The following BICD1 variants were observed in gnomAD, a reference collection of about 807,000 sequenced individuals.
The protein encoded by BICD1 is BICD cargo adaptor 1, also known as protein bicaudal D homolog 1.
A neutral mutation model predicts 92.5 loss-of-function variants in BICD1; 35 were observed. The observed-to-expected ratio is 0.38, with a 90% CI of 0.29 to 0.50. The LOEUF (loss-of-function observed/expected upper bound fraction) is 0.50. Among genes scored for constraint, BICD1 ranks in the 20% least tolerant of loss-of-function variants. The pLI is 0.93. For synonymous variants in BICD1, 429 were observed against 465.1 expected (o/e 0.92, Z 1.00); for missense variants, 950 against 1,189.8 (o/e 0.80, Z 2.97).
At chr12:32,223,042 A>T (rs1945581174) in intron 2 of BICD1, among the ~76,000 whole-genome samples, 1 of 152,222 alleles carries the variant, frequency 6.6e-6, no homozygotes, top group African/African-American at 2.4e-5. Flanking sequence ...TACCTTTATC[A>T]ATGATCTTAG....
Position 32,379,572 on chromosome 12 carries a change from T to C in BICD1, c.*1945T>C, listed in dbSNP as rs953372184. On this transcript the variant is annotated 3_prime_UTR_variant, in exon 10 of 10. Coordinates refer to ENST00000652176, the MANE Select transcript of BICD1 (RefSeq NM_001714.4). The stretch of plus-strand genomic sequence containing the variant: ...AAACATTGTCTTCATTTCACTGGCG[T>C]TGTATCTGCCTAGTACCAGTATTAG... 2 of 152,216 alleles carry C rather than the reference T, an allele frequency of 1.3e-5. No individual in the cohort carries two copies. Among genetic ancestry groups the C allele is most frequent in the African/African-American group, 4.8e-5 (2 of 41,462 alleles). The allele number at this position is 152,216 out of a possible 1,614,324, so 9.4% of individuals were successfully genotyped here. A position where few individuals can be genotyped will look rare whatever the true frequency, so the allele number is the denominator to read the frequency against.
chr12:32,193,373 A>G (rs1287292822), intron 1 of BICD1, among the ~76,000 whole-genome samples: 1 of 152,222 alleles, frequency 6.6e-6, no homozygotes, highest in African/African-American at 2.4e-5. Flanking sequence ...TTTAGACATA[A>G]TGGTATTATT....
intron 4 of BICD1, among the ~76,000 whole-genome samples, chr12:32,322,854 T>C (rs1948692643): frequency 6.6e-6 from 1 of 152,254 alleles, no homozygotes; most frequent in Non-Finnish European, 1.5e-5. Flanking sequence ...TCAGTACATT[T>C]TGTTTTGATC....
At chr12:32,179,260 A>T (rs17587443) in intron 1 of BICD1, among the ~76,000 whole-genome samples, 10 of 151,950 alleles carry the variant, frequency 6.6e-5, no homozygotes, top group East Asian at 5.8e-4. Flanking sequence ...GTGATGAAGC[A>T]GTTCTGTGGA....
Position 32,166,138 on chromosome 12 carries a change from A to ATTTATTTATTTATTTATTT in BICD1, c.214-50098_214-50097insATTTATTTTTTATTTATTT, listed in dbSNP as rs1555140610. ...TATTTATTTATTTATTTATTTATTT[A>ATTTATTTATTTATTTATTT]TTTATTTATTTTTTGGAGCCAGCGT... On this transcript the variant is annotated intron_variant, in intron 1 of 9. Transcript: ENST00000652176. 3.3e-3 allele frequency among the ~76,000 whole-genome samples: 473 copies of ATTTATTTATTTATTTATTT among 144,034 alleles called. 1 individual carries two copies. Among genetic ancestry groups the ATTTATTTATTTATTTATTT allele is most frequent in the Middle Eastern group, 6.9e-3 (2 of 288 alleles). The allele number at this position is 144,034 out of a possible 152,430, so 94.5% of individuals were successfully genotyped here. A position where few individuals can be genotyped will look rare whatever the true frequency, so the allele number is the denominator to read the frequency against.
chr12:32,345,217 G>A lies in BICD1; in HGVS notation c.2764+6238G>A, dbSNP rs145937812. ...GCGGGAGGATTGCTTGAGTCTGGGAGGTCGAGGCTGCAGTGAGCCACTGCA... is the reference window on the plus strand; with the variant it reads ...GCGGGAGGATTGCTTGAGTCTGGGAAGTCGAGGCTGCAGTGAGCCACTGCA... On this transcript the variant is annotated intron_variant, in intron 8 of 9. Coordinates refer to ENST00000652176, the MANE Select transcript of BICD1 (RefSeq NM_001714.4). 6.4e-3 allele frequency among the ~76,000 whole-genome samples: 963 copies of A among 151,258 alleles called. 8 individuals are homozygous for A. The highest frequency in any genetic ancestry group is 0.022 in the African/African-American group (902 of 41,154).
chr12:32,376,731 G>T (rs1397656908), intron 9 of BICD1, among the ~76,000 whole-genome samples: 3 of 151,930 alleles, frequency 2.0e-5, no homozygotes, highest in Non-Finnish European at 4.4e-5. Flanking sequence ...GGCAGGGCAT[G>T]GTAGTGCATG....
At chr12:32,117,577 C>T (rs373998907) in intron 1 of BICD1, among the ~76,000 whole-genome samples, 46 of 151,700 alleles carry the variant, frequency 3.0e-4, no homozygotes, top group South Asian at 2.5e-3. Context: ...TTTGAAGCTA[C>T]GTGGTTGCAT....
intron 9 of BICD1, 84 bp from the exon 10 acceptor site, chr12:32,377,456 C>T (rs1014197623): frequency 4.7e-5 from 51 of 1,088,416 alleles, no homozygotes; most frequent in Non-Finnish European, 1.8e-5. Flanking sequence ...AAAATCTATG[C>T]AAAAATATCT....
At chr12:32,366,327 A>G (rs1939522917) in intron 8 of BICD1, among the ~76,000 whole-genome samples, 1 of 152,270 alleles carries the variant, frequency 6.6e-6, no homozygotes, top group South Asian at 2.1e-4. Context: ...TATTTACATA[A>G]CATATAAGGA....
intron 8 of BICD1, among the ~76,000 whole-genome samples, chr12:32,355,936 AG>A (rs1224842383): frequency 6.6e-6 from 1 of 152,194 alleles, no homozygotes; most frequent in Non-Finnish European, 1.5e-5. Context: ...GATAGACAAG[AG>A]CATTTCCGAT....
At chr12:32,305,646 G>T in intron 3 of BICD1, 51 bp from the exon 4 acceptor site, 1 of 1,514,720 alleles carries the variant, frequency 6.6e-7, no homozygotes, top group Non-Finnish European at 8.9e-7. Context: ...TGGCAGTTTT[G>T]TAAGATCCAC....
At chr12:32,293,371 G>A (rs1947772904) in intron 2 of BICD1, among the ~76,000 whole-genome samples, 1 of 152,088 alleles carries the variant, frequency 6.6e-6, no homozygotes. Flanking sequence ...AGGCTGGAGT[G>A]AAGTGGCCTG....
intron 1 of BICD1, among the ~76,000 whole-genome samples, chr12:32,131,633 G>A (rs778173827): frequency 6.6e-6 from 1 of 152,200 alleles, no homozygotes; most frequent in Non-Finnish European, 1.5e-5. Context: ...TGCACAAAAA[G>A]GGGAACTTGG....
chr12:32,205,109 G>A (rs1016917123), intron 1 of BICD1, among the ~76,000 whole-genome samples: 6 of 151,996 alleles, frequency 3.9e-5, no homozygotes, highest in African/African-American at 1.5e-4. Context: ...TTTTTTCTTT[G>A]GTATTTTCAT....
At chr12:32,287,084 A>G (rs930986168) in intron 2 of BICD1, among the ~76,000 whole-genome samples, 2 of 152,154 alleles carry the variant, frequency 1.3e-5, no homozygotes, top group Non-Finnish European at 2.9e-5. Flanking sequence ...CTTAAATAAC[A>G]AGTAAACACA....
chr12:32,367,746 G>A lies in BICD1; in HGVS notation c.2840+1G>A. On this transcript the variant is annotated splice_donor_variant, in intron 9 of 9. Coordinates refer to ENST00000652176, the MANE Select transcript of BICD1 (RefSeq NM_001714.4). LOFTEE classifies it high-confidence loss of function. ...GGAGGCAAGACTGCCCAACTGTCAG[G>A]TAAATTCAGATGTCCTTTCCCTTCC... 6.2e-7 allele frequency: 1 copy of A among 1,613,460 alleles called. No individual in the cohort carries two copies. Among genetic ancestry groups the A allele is most frequent in the Non-Finnish European group, 8.5e-7 (1 of 1,179,412 alleles).
At chr12:32,264,182 T>C (rs757902434) in intron 2 of BICD1, among the ~76,000 whole-genome samples, 66 of 152,248 alleles carry the variant, frequency 4.3e-4, no homozygotes, top group Non-Finnish European at 9.4e-4. Flanking sequence ...TGAATTATTA[T>C]GTACTAAATA....
At chr12:32,226,810 G>A (rs989393001) in intron 2 of BICD1, among the ~76,000 whole-genome samples, 1 of 152,256 alleles carries the variant, frequency 6.6e-6, no homozygotes, top group Admixed American at 6.5e-5. Context: ...TAGCAGGTAA[G>A]TACAGGGGCT....
Sources: gnomAD v4.1 joint callset for allele counts (sites outside exome capture counted in the v4.1 genomes callset) on GRCh38, gnomAD v4.1.1 for gene constraint, MANE v1.5 for transcripts, NCBI Gene and HGNC (gene_info 2026-07-23, HGNC 2026-07-21) for gene names.